Variants in ARFGEF2 observed in about 807,000 individuals in gnomAD.
The protein encoded by ARFGEF2 is ARF guanine nucleotide exchange factor 2.
Under a neutral mutation model 219.9 loss-of-function variants are expected in ARFGEF2, and 74 were observed. The observed-to-expected ratio is 0.34, with a 90% CI of 0.28 to 0.41. The LOEUF is 0.41. Ranked by LOEUF, ARFGEF2 falls within the 10% of genes least tolerant of loss-of-function variation. The pLI, the probability that ARFGEF2 is intolerant of heterozygous loss-of-function variation, is 1.00. For missense variants in ARFGEF2, 1,743 were observed against 2,218.3 expected (o/e 0.79, Z 4.30); for synonymous variants, 733 against 799.2 (o/e 0.92, Z 1.40).
chr20:49,024,123 C>T (rs375274411), intron 35 of ARFGEF2, among the ~76,000 whole-genome samples: 17 of 152,224 alleles, frequency 1.1e-4, no homozygotes, highest in Non-Finnish European at 1.5e-5. Flanking sequence ...AGGCACATGC[C>T]GCCATGCCCA....
chr20:48,943,819 T>C (rs1387719697), intron 3 of ARFGEF2, among the ~76,000 whole-genome samples: 1 of 152,246 alleles, frequency 6.6e-6, no homozygotes, highest in East Asian at 1.9e-4. Context: ...GTTGAAGTGA[T>C]CCACAGCTTG....
At chr20:48,933,848 G>A (rs761560074) in intron 1 of ARFGEF2, among the ~76,000 whole-genome samples, 4 of 151,946 alleles carry the variant, frequency 2.6e-5, no homozygotes, top group Non-Finnish European at 5.9e-5. Context: ...GGCCGGGTGC[G>A]GTGGCTCATG....
chr20:48,993,100 C>G (rs553896510), intron 21 of ARFGEF2, among the ~76,000 whole-genome samples: 1 of 152,268 alleles, frequency 6.6e-6, no homozygotes, highest in East Asian at 1.9e-4. Context: ...AAATCATTTC[C>G]TGCCTTCTAA....
At chr20:48,951,902 T>C (rs1457424088) in intron 4 of ARFGEF2, among the ~76,000 whole-genome samples, 1 of 152,106 alleles carries the variant, frequency 6.6e-6, no homozygotes, top group African/African-American at 2.4e-5. Flanking sequence ...AGGACAGGTG[T>C]AGCCAAGGAT....
At chr20:48,945,731 G>T (rs1209421755) in intron 3 of ARFGEF2, among the ~76,000 whole-genome samples, 1 of 152,178 alleles carries the variant, frequency 6.6e-6, no homozygotes, top group African/African-American at 2.4e-5. Context: ...GGGCCATGTG[G>T]TGCACACCTT....
chr20:49,005,108 T>C lies in ARFGEF2; in HGVS notation c.3471T>C (p.Ala1157=), dbSNP rs1600537107. Residue 1157 remains alanine (A), a synonymous_variant, in exon 26 of 39, where the codon GCT becomes GCC. Transcript: ENST00000371917. Reference sequence around the variant, plus strand: ...CTAATGAAGATGTGGCTATCTTTGCTGTTGACTCATTAAGGCAACTCTCCA... The same window carrying C: ...CTAATGAAGATGTGGCTATCTTTGCCGTTGACTCATTAAGGCAACTCTCCA... ...CNPNEDVAIF[A]VDSLRQLSMK... is the part of the protein sequence containing the mutation. The C allele has an allele frequency of 1.2e-6, 2 of 1,614,240 alleles. No homozygotes were observed. Among genetic ancestry groups the C allele is most frequent in the East Asian group, 2.2e-5 (1 of 44,878 alleles).
chr20:48,994,186 G>A (rs2091372954), intron 21 of ARFGEF2, among the ~76,000 whole-genome samples: 1 of 152,166 alleles, frequency 6.6e-6, no homozygotes, highest in Non-Finnish European at 1.5e-5. Context: ...CAATGAGGCT[G>A]GTGTCTTGTC....
chr20:49,021,731 C>T (rs1391952814), intron 34 of ARFGEF2, among the ~76,000 whole-genome samples: 1 of 151,230 alleles, frequency 6.6e-6, no homozygotes, highest in Non-Finnish European at 1.5e-5. Flanking sequence ...TGCCTGTAGT[C>T]CCAGCTACTT....
At chr20:49,026,654 C>T (rs768436884) in intron 36 of ARFGEF2, among the ~76,000 whole-genome samples, 3 of 148,546 alleles carry the variant, frequency 2.0e-5, no homozygotes, top group African/African-American at 5.0e-5. Flanking sequence ...GGCGCAGTCT[C>T]GGCTCACTGC....
chr20:48,924,052 G>A (rs906780359), intron 1 of ARFGEF2, among the ~76,000 whole-genome samples: 6 of 152,204 alleles, frequency 3.9e-5, no homozygotes, highest in Admixed American at 1.3e-4. Context: ...GGGAACGTAT[G>A]CATATTGTTA....
intron 26 of ARFGEF2, among the ~76,000 whole-genome samples, chr20:49,009,042 C>T (rs1018982531): frequency 4.6e-5 from 7 of 152,012 alleles, no homozygotes; most frequent in South Asian, 2.1e-4. Context: ...CTGTATTTTC[C>T]AAAACTTTTA....
At chr20:49,014,051 C>T in intron 30 of ARFGEF2, 91 bp downstream of exon 30, 2 of 1,546,482 alleles carry the variant, frequency 1.3e-6, no homozygotes, top group African/African-American at 1.4e-5. Context: ...TCATCGTCTA[C>T]CCAGAGTTCT....
intron 7 of ARFGEF2, 93 bp from the exon 8 acceptor site, chr20:48,965,779 G>A: frequency 6.8e-7 from 1 of 1,468,922 alleles, no homozygotes; most frequent in Admixed American, 1.7e-5. Flanking sequence ...GCAACAGCTG[G>A]GAGGTTCACA....
In ARFGEF2 at chr20:48,933,049, T is replaced by C. The variant is rs192550968; in HGVS notation, c.122-8150T>C. Among the ~76,000 whole-genome samples, 12 of 152,208 alleles carry C rather than the reference T, an allele frequency of 7.9e-5. No homozygotes were observed. In the East Asian group the frequency reaches 1.9e-3, roughly 24 times the overall value. On this transcript the variant is annotated intron_variant, in intron 1 of 38. Transcript: ENST00000371917. ...GAGTGGAAGAGAGAATGCGAGCCAG[T>C]GTCAGAGGTGCTGGTGAATGGAGGT...
At chr20:48,938,231 G>C (rs527869093) in intron 1 of ARFGEF2, among the ~76,000 whole-genome samples, 1 of 152,110 alleles carries the variant, frequency 6.6e-6, no homozygotes, top group South Asian at 2.1e-4. Flanking sequence ...ACAACATTTC[G>C]CTTATAGAAA....
chr20:48,946,764 T>C lies in ARFGEF2; in HGVS notation c.277-4559T>C, dbSNP rs150828168. ...TTAAGCCCACCTTGGCTTCCTAAAG[T>C]GTTAGGATTACAGGCGTGAGCCACT... On this transcript the variant is annotated intron_variant, in intron 3 of 38. Transcript: ENST00000371917. 1.9e-3 allele frequency among the ~76,000 whole-genome samples: 287 copies of C among 151,962 alleles called. 1 individual carries two copies. Among genetic ancestry groups the C allele is most frequent in the African/African-American group, 6.6e-3 (274 of 41,444 alleles).
chr20:48,993,805 G>A (rs1232227241), intron 21 of ARFGEF2, among the ~76,000 whole-genome samples: 2 of 152,214 alleles, frequency 1.3e-5, no homozygotes, highest in Non-Finnish European at 2.9e-5. Context: ...CTGATGTAGA[G>A]CATATTCTCA....
chr20:48,950,803 A>ATATAT (rs1356880687), intron 3 of ARFGEF2, among the ~76,000 whole-genome samples: 20 of 39,626 alleles, frequency 5.0e-4, no homozygotes, highest in Non-Finnish European at 3.5e-4. Flanking sequence ...CTAAAAAAAA[A>ATATAT]AAAAAAAAAT....
intron 1 of ARFGEF2, among the ~76,000 whole-genome samples, chr20:48,936,713 G>C (rs1355772033): frequency 6.6e-6 from 1 of 152,076 alleles, no homozygotes; most frequent in African/African-American, 2.4e-5. Flanking sequence ...TTTTAGTAGA[G>C]ATGGGGTTTC....
Sources: gnomAD v4.1 joint callset for allele counts (sites outside exome capture counted in the v4.1 genomes callset) on GRCh38, gnomAD v4.1.1 for gene constraint, MANE v1.5 for transcripts, NCBI Gene and HGNC (gene_info 2026-07-23, HGNC 2026-07-21) for gene names.